The following SNX29 variants were observed in gnomAD, a reference collection of about 807,000 sequenced individuals.
The protein encoded by SNX29 is sorting nexin-29.
A neutral mutation model predicts 102.1 loss-of-function variants in SNX29; 78 were observed. That is an observed-to-expected ratio of 0.76 (90% CI 0.64 to 0.92). The LOEUF (loss-of-function observed/expected upper bound fraction) is 0.92, where lower values mean the gene tolerates loss of function less well. Among genes scored for constraint, SNX29 ranks in the 40% least tolerant of loss-of-function variants. The pLI is 0.00. For synonymous variants in SNX29, 580 were observed against 414.5 expected (o/e 1.40, Z -4.85); for missense variants, 1,280 against 1,061.7 (o/e 1.21, Z -2.86).
At chr16:12,526,469 A>G in intron 20 of SNX29, 1 of 476,784 alleles carries the variant, frequency 2.1e-6, no homozygotes, top group Non-Finnish European at 4.1e-6. Flanking sequence ...TGCCTGTGAT[A>G]AGAGGTGCCT....
intron 20 of SNX29, among the ~76,000 whole-genome samples, chr16:12,549,806 T>G (rs963763306): frequency 3.3e-5 from 5 of 152,268 alleles, no homozygotes; most frequent in Non-Finnish European, 7.3e-5. Flanking sequence ...CCATCATGGC[T>G]TCTGTGCCCT....
At chr16:12,012,503 C>T (rs906014230) in intron 3 of SNX29, among the ~76,000 whole-genome samples, 6 of 151,992 alleles carry the variant, frequency 3.9e-5, no homozygotes, top group Non-Finnish European at 2.9e-5. Context: ...CCGCCTCCCA[C>T]GTTCAAGTGA....
intron 14 of SNX29, among the ~76,000 whole-genome samples, chr16:12,256,236 G>A (rs1158805687): frequency 2.0e-5 from 3 of 152,262 alleles, no homozygotes; most frequent in African/African-American, 7.2e-5. Flanking sequence ...TCCTGCTATT[G>A]AGTTGTTTGA....
In SNX29 at chr16:12,199,803, G is replaced by C; in HGVS notation, c.1678+120G>C. On this transcript the variant is annotated intron_variant, in intron 14 of 20. Transcript: ENST00000566228. ...CATATGTGGATGGATTAGAATAATGGTGCTGCTCAGCGTTCCAGAAAATTA... is the reference window on the plus strand; with the variant it reads ...CATATGTGGATGGATTAGAATAATGCTGCTGCTCAGCGTTCCAGAAAATTA... 9 of 794,294 alleles carry C rather than the reference G, an allele frequency of 1.1e-5. No homozygotes were observed. The South Asian group carries it at 1.6e-4, about 14-fold the overall frequency. 49.2% of individuals were successfully genotyped at this position (794,294 alleles called of 1,614,324 possible).
intron 18 of SNX29, among the ~76,000 whole-genome samples, chr16:12,455,502 C>T (rs8058292): frequency 6.6e-6 from 1 of 152,102 alleles, no homozygotes; most frequent in Non-Finnish European, 1.5e-5. Context: ...AGTCCTCTTT[C>T]TCCCCACATT....
chr16:12,043,834 A>G (rs1489525902), intron 5 of SNX29, among the ~76,000 whole-genome samples: 2 of 151,688 alleles, frequency 1.3e-5, no homozygotes, highest in Non-Finnish European at 2.9e-5. Context: ...GCTCACTGCA[A>G]CCTCCGTCTC....
rs918736283 is a variant in SNX29, at chr16:12,569,694, A to C, written c.*1065A>C. 4.3e-6 allele frequency: 1 copy of C among 230,170 alleles called. No homozygotes were observed. The highest frequency in any genetic ancestry group is 8.6e-6 in the Non-Finnish European group (1 of 116,104). 14.3% of individuals were successfully genotyped at this position (230,170 alleles called of 1,614,324 possible). A position where few individuals can be genotyped will look rare whatever the true frequency, so the allele number is the denominator to read the frequency against. On this transcript the variant is annotated 3_prime_UTR_variant, in exon 21 of 21. Coordinates refer to ENST00000566228, the MANE Select transcript of SNX29 (RefSeq NM_032167.5). ...GCTCTCAGAGTACAGGGACCTTGGC[A>C]GGTGGAGAGGAGGATGGGGACCAGC...
At chr16:12,062,010 ACTG>A (rs1318364271) in intron 9 of SNX29, among the ~76,000 whole-genome samples, 2 of 152,134 alleles carry the variant, frequency 1.3e-5, no homozygotes, top group Admixed American at 1.3e-4. Context: ...CAAGAAGGTA[ACTG>A]AACCCCTGTC....
chr16:12,356,376 C>T lies in SNX29; in HGVS notation c.1899+97C>T, dbSNP rs1245881007. ...CTCACAGAGCAAGCAACCATGCATC[C>T]ACTGGCCAGATTTGCCCACATTCAC... On this transcript the variant is annotated intron_variant, in intron 16 of 20. Transcript: ENST00000566228. 20 of 1,132,140 alleles carry T rather than the reference C, an allele frequency of 1.8e-5. No individual in the cohort carries two copies. The East Asian group carries it at 5.2e-4, about 30-fold the overall frequency. The allele number at this position is 1,132,140 out of a possible 1,614,324, so 70.1% of individuals were successfully genotyped here.
At chr16:12,097,811 C>G (rs567938186) in intron 11 of SNX29, among the ~76,000 whole-genome samples, 12 of 152,254 alleles carry the variant, frequency 7.9e-5, no homozygotes, top group Admixed American at 7.8e-4. Context: ...CGCGGTCAGA[C>G]TTGTTTGAAA....
At chr16:12,560,328 G>C (rs1256715591) in intron 20 of SNX29, among the ~76,000 whole-genome samples, 1 of 152,016 alleles carries the variant, frequency 6.6e-6, no homozygotes, top group Non-Finnish European at 1.5e-5. Context: ...AATAATGCTG[G>C]GTTTACCGAA....
At chr16:12,442,711 C>A (rs937061303) in intron 18 of SNX29, among the ~76,000 whole-genome samples, 1 of 152,062 alleles carries the variant, frequency 6.6e-6, no homozygotes, top group African/African-American at 2.4e-5. Flanking sequence ...CCACCTCAAC[C>A]TCTCGAGTAG....
At chr16:12,538,718 G>A (rs1189813739) in intron 20 of SNX29, among the ~76,000 whole-genome samples, 2 of 152,160 alleles carry the variant, frequency 1.3e-5, no homozygotes, top group Non-Finnish European at 2.9e-5. Context: ...ATGTACATCA[G>A]GGAGCACAGA....
chr16:12,452,595 G>A (rs1164512896), intron 18 of SNX29, among the ~76,000 whole-genome samples: 1 of 149,914 alleles, frequency 6.7e-6, no homozygotes, highest in Non-Finnish European at 1.5e-5. Context: ...TCTGAGCTGA[G>A]TCTGGAAGTT....
chr16:12,049,777 G>T (rs921604307), intron 7 of SNX29, among the ~76,000 whole-genome samples: 3 of 151,732 alleles, frequency 2.0e-5, no homozygotes, highest in African/African-American at 7.3e-5. Context: ...AAATTTTGTT[G>T]TAGTATGTAT....
intron 13 of SNX29, among the ~76,000 whole-genome samples, chr16:12,178,284 A>T (rs2076305382): frequency 6.6e-6 from 1 of 152,054 alleles, no homozygotes; most frequent in Non-Finnish European, 1.5e-5. Flanking sequence ...ATTTGCTATG[A>T]TGTGGGGGTG....
At chr16:12,536,022 C>A (rs1006189326) in intron 20 of SNX29, among the ~76,000 whole-genome samples, 2 of 152,138 alleles carry the variant, frequency 1.3e-5, no homozygotes, top group Non-Finnish European at 2.9e-5. Flanking sequence ...GGAGCTATCC[C>A]GTTCCTAATT....
chr16:12,153,129 G>C (rs1180405671), intron 13 of SNX29, among the ~76,000 whole-genome samples: 2 of 152,208 alleles, frequency 1.3e-5, no homozygotes, highest in Non-Finnish European at 2.9e-5. Flanking sequence ...TGGGCACTGT[G>C]GCTCATGCCT....
chr16:11,979,274 CCAA>C (rs1344120441), intron 1 of SNX29, among the ~76,000 whole-genome samples: 1 of 3,034 alleles, frequency 3.3e-4, no homozygotes, highest in Non-Finnish European at 9.9e-4. Context: ...GACTCAGTCT[CCAA>C]AAAAAAAAAA....
Sources: allele counts gnomAD v4.1 joint callset (sites outside exome capture counted in the v4.1 genomes callset), GRCh38; gene constraint gnomAD v4.1.1; transcripts MANE v1.5; gene names NCBI Gene and HGNC (gene_info 2026-07-23, HGNC 2026-07-21).